The following WIF1 variants were observed in gnomAD, a reference collection of about 807,000 sequenced individuals.
WIF1 encodes Wnt inhibitory factor 1.
WIF1 carries 35 observed loss-of-function variants against 53.5 expected under a neutral mutation model. The observed-to-expected ratio is 0.65, with a 90% CI of 0.50 to 0.87. The LOEUF (loss-of-function observed/expected upper bound fraction) is 0.87. Ranked by LOEUF, WIF1 falls within the 40% of genes least tolerant of loss-of-function variation. WIF1 has a pLI of 0.00. For synonymous variants in WIF1, 171 were observed against 170.4 expected, an observed-to-expected ratio of 1.00 and a Z score of -0.03; for missense variants, 467 against 476.8, an observed-to-expected ratio of 0.98 and a Z score of 0.19.
At chr12:65,068,405 C>T (rs1882720439) in intron 4 of WIF1, among the ~76,000 whole-genome samples, 1 of 152,008 alleles carries the variant, frequency 6.6e-6, no homozygotes, top group Non-Finnish European at 1.5e-5. Context: ...GCCACCTTGC[C>T]TTGAGCAAAC....
chr12:65,121,000 A>G (rs1193946603), intron 1 of WIF1, 44 bp downstream of exon 1: 2 of 1,409,898 alleles, frequency 1.4e-6, no homozygotes, highest in Admixed American at 6.0e-5. Flanking sequence ...GAGTGGAGAG[A>G]GGAGGACATA....
chr12:65,083,712 A>C (rs915717080), intron 2 of WIF1: 1 of 329,016 alleles, frequency 3.0e-6, no homozygotes, highest in African/African-American at 2.3e-5. Flanking sequence ...ATCTTCCAAA[A>C]TCAGCTTCCC....
intron 2 of WIF1, among the ~76,000 whole-genome samples, chr12:65,087,311 T>G (rs765548696): frequency 1.3e-5 from 2 of 152,182 alleles, no homozygotes; most frequent in Non-Finnish European, 2.9e-5. Flanking sequence ...AGAATGATAT[T>G]TACAAAGTGT....
intron 2 of WIF1, 84 bp from the exon 3 acceptor site, chr12:65,077,938 G>A: frequency 1.9e-6 from 2 of 1,038,950 alleles, no homozygotes; most frequent in African/African-American, 1.6e-5. Flanking sequence ...ATCTGATGGG[G>A]CAGAGATAAT....
At chr12:65,088,343 C>A (rs765637488) in intron 2 of WIF1, among the ~76,000 whole-genome samples, 2 of 152,168 alleles carry the variant, frequency 1.3e-5, no homozygotes, top group South Asian at 2.1e-4. Flanking sequence ...ACATCCCCCC[C>A]ATCTATCTAC....
At chr12:65,095,002 G>T (rs1249694055) in intron 2 of WIF1, among the ~76,000 whole-genome samples, 4 of 151,228 alleles carry the variant, frequency 2.6e-5, no homozygotes, top group Middle Eastern at 3.2e-3. Context: ...GTGCAATTTT[G>T]ACTCACTGCA....
At chr12:65,082,201 A>G (rs1295244304) in intron 2 of WIF1, among the ~76,000 whole-genome samples, 1 of 152,126 alleles carries the variant, frequency 6.6e-6, no homozygotes, top group Non-Finnish European at 1.5e-5. Flanking sequence ...CATTGGAAAA[A>G]CTTATTTGAG....
intron 3 of WIF1, among the ~76,000 whole-genome samples, chr12:65,074,999 T>A (rs1219411103): frequency 6.6e-6 from 1 of 151,908 alleles, no homozygotes; most frequent in Non-Finnish European, 1.5e-5. Context: ...AATCAGCGTA[T>A]CCACATCTCT....
intron 7 of WIF1, among the ~76,000 whole-genome samples, chr12:65,059,364 A>AT (rs973722067): frequency 3.3e-5 from 5 of 152,172 alleles, no homozygotes; most frequent in Non-Finnish European, 5.9e-5. Flanking sequence ...AATATTCTAA[A>AT]TTTTTTTAAC....
rs1029943122 is a variant in WIF1, at chr12:65,110,746, T to C, written c.288+9671A>G. On this transcript the variant is annotated intron_variant, in intron 2 of 9. Transcript: ENST00000286574. ...GGAGCTGTTCCGGGACCTGGAGATA[T>C]ATGGTGAACAGGACCAAGTCCTTGC... Among the ~76,000 whole-genome samples the C allele has an allele frequency of 3.9e-5, 6 of 152,198 alleles. No homozygotes were observed. In the East Asian group the frequency reaches 9.6e-4, roughly 24 times the overall value.
intron 3 of WIF1, among the ~76,000 whole-genome samples, chr12:65,075,734 A>G (rs1882851415): frequency 6.6e-6 from 1 of 152,218 alleles, no homozygotes; most frequent in Non-Finnish European, 1.5e-5. Flanking sequence ...ACATAAATGC[A>G]GTGGAAAAAA....
chr12:65,073,959 A>G (rs1371859501), intron 3 of WIF1, among the ~76,000 whole-genome samples: 1 of 152,162 alleles, frequency 6.6e-6, no homozygotes, highest in Non-Finnish European at 1.5e-5. Context: ...ATGTGTTCAT[A>G]TCACCTGGTT....
At chr12:65,094,676 C>T (rs1883174804) in intron 2 of WIF1, among the ~76,000 whole-genome samples, 1 of 152,006 alleles carries the variant, frequency 6.6e-6, no homozygotes, top group African/African-American at 2.4e-5. Flanking sequence ...AAGATTAGTC[C>T]CATCTTTTTG....
At position 65,065,146 on chromosome 12, in the gene WIF1, C is replaced by T. The variant is rs137921041; in HGVS notation, c.730+1495G>A. Reference sequence around the variant, plus strand: ...ATCCAATACTATAGTTTTAAAAGACCACTTTAAAAAAGGCAGAAATGCTTT... The same window carrying T: ...ATCCAATACTATAGTTTTAAAAGACTACTTTAAAAAAGGCAGAAATGCTTT... On this transcript the variant is annotated intron_variant, in intron 6 of 9. Coordinates refer to ENST00000286574, the MANE Select transcript of WIF1 (RefSeq NM_007191.5). 3.9e-5 allele frequency among the ~76,000 whole-genome samples: 6 copies of T among 152,104 alleles called. No individual in the cohort carries two copies. In the East Asian group the frequency reaches 1.2e-3, roughly 29 times the overall value.
rs375729738 is a variant in WIF1 at position 65,056,119 on chromosome 12, G to A, written c.834C>T (p.Cys278=). 1 of 1,613,598 alleles carries A rather than the reference G, an allele frequency of 6.2e-7. No homozygotes were observed. Among genetic ancestry groups the A allele is most frequent in the African/African-American group, 1.3e-5 (1 of 74,872 alleles). ...TACCTCCATTTCGACAGGGTTGTGG[G>A]CATTTGCCTGAAAAAGAGAAGAATG... ...LEGEQCEISK[C]PQPCRNGGKC... Residue 278 remains cysteine (C), a synonymous_variant, in exon 8 of 10, where the codon TGC becomes TGT. Transcript: ENST00000286574.
At chr12:65,095,300 T>C (rs958808116) in intron 2 of WIF1, among the ~76,000 whole-genome samples, 6 of 152,072 alleles carry the variant, frequency 3.9e-5, no homozygotes, top group African/African-American at 1.4e-4. Context: ...TCTGAGCAAA[T>C]TTGTGTCTCT....
At chr12:65,107,713 G>A (rs1883371548) in intron 2 of WIF1, among the ~76,000 whole-genome samples, 1 of 152,172 alleles carries the variant, frequency 6.6e-6, no homozygotes, top group Non-Finnish European at 1.5e-5. Context: ...ATCCATTATT[G>A]ATACTGAAAT....
chr12:65,058,787 C>T (rs572493479), intron 7 of WIF1, among the ~76,000 whole-genome samples: 3 of 152,230 alleles, frequency 2.0e-5, no homozygotes, highest in Non-Finnish European at 2.9e-5. Context: ...TGGTGGCTCT[C>T]GCCTGTAATC....
chr12:65,093,551 G>T, intron 2 of WIF1, among the ~76,000 whole-genome samples: 1 of 151,968 alleles, frequency 6.6e-6, no homozygotes, highest in South Asian at 2.1e-4. Flanking sequence ...CCTATTTAAT[G>T]GTAATCACTC....
Sources: gnomAD v4.1 joint callset for allele counts (sites outside exome capture counted in the v4.1 genomes callset) on GRCh38, gnomAD v4.1.1 for gene constraint, MANE v1.5 for transcripts, NCBI Gene and HGNC (gene_info 2026-07-23, HGNC 2026-07-21) for gene names.